Variants in SCYL2 observed in about 807,000 individuals in gnomAD.
SCYL2 encodes the protein SCY1-like protein 2.
Under a neutral mutation model 100.4 loss-of-function variants are expected in SCYL2, and 36 were observed. The observed-to-expected ratio is 0.36, with a 90% confidence interval of 0.27 to 0.47. The LOEUF is 0.47. Ranked by LOEUF, SCYL2 falls within the 20% of genes least tolerant of loss-of-function variation. SCYL2 has a pLI of 1.00. For missense variants in SCYL2, 902 were observed against 1,083.9 expected (o/e 0.83, Z 2.36); for synonymous variants, 330 against 359.2 (o/e 0.92, Z 0.92).
In SCYL2 at chr12:100,317,645, A is replaced by C. The variant is rs1471263009; in HGVS notation, c.1273-158A>C. 2.1e-6 allele frequency: 3 copies of C among 1,404,990 alleles called. No homozygotes were observed. The African/African-American group carries it at 4.4e-5, about 20-fold the overall frequency. 87.0% of individuals were successfully genotyped at this position (1,404,990 alleles called of 1,614,324 possible). A position where few individuals can be genotyped will look rare whatever the true frequency, so the allele number is the denominator to read the frequency against. ...TATTGTGCCTCCAGAAATGTAAGAG[A>C]CTTGATTTGTGTGTTTTTGTCTTCC... On this transcript the variant is annotated intron_variant, in intron 9 of 17. Transcript: ENST00000360820.
At chr12:100,323,496 A>T in intron 10 of SCYL2, 29 bp from the exon 11 acceptor site, 1 of 1,252,510 alleles carries the variant, frequency 8.0e-7, no homozygotes. Context: ...GTCTTTCCCT[A>T]ATATTGATTC....
intron 1 of SCYL2, among the ~76,000 whole-genome samples, chr12:100,271,013 G>C (rs1253902248): frequency 2.6e-5 from 4 of 151,960 alleles, no homozygotes; most frequent in Non-Finnish European, 4.4e-5. Flanking sequence ...AACTATGTCT[G>C]ATAATTAGAT....
intron 1 of SCYL2, among the ~76,000 whole-genome samples, chr12:100,279,330 G>A (rs1229038215): frequency 4.6e-5 from 7 of 152,218 alleles, no homozygotes; most frequent in Non-Finnish European, 7.3e-5. Context: ...GAGAGGAGGC[G>A]GAGCTTAGGC....
Position 100,318,907 on chromosome 12 carries a change from T to C in SCYL2, c.1395+982T>C, listed in dbSNP as rs144392290. Among the ~76,000 whole-genome samples, 91 of 152,334 alleles carry C rather than the reference T, an allele frequency of 6.0e-4. 1 individual carries two copies. In the East Asian group the frequency reaches 0.013, roughly 23 times the overall value. ...GTAGTCTTTGCGATTAAAATTTTGGTTCTATGAGTTCTTTGTCTGAAAGAA... is the reference window on the plus strand; with the variant it reads ...GTAGTCTTTGCGATTAAAATTTTGGCTCTATGAGTTCTTTGTCTGAAAGAA... On this transcript the variant is annotated intron_variant, in intron 10 of 17. Transcript: ENST00000360820.
rs139350851 is a variant in SCYL2, at chr12:100,292,753, G to A, written c.335+1093G>A. Among the ~76,000 whole-genome samples, 10 of 152,290 alleles carry A rather than the reference G, an allele frequency of 6.6e-5. No homozygotes were observed. The East Asian group carries it at 1.9e-3, about 29-fold the overall frequency. ...GAGCTAGGATTCATTTTGTCATTCT[G>A]ATTCCTGAGTCCCTGTTTTTATTTT... On this transcript the variant is annotated intron_variant, in intron 3 of 17. Transcript: ENST00000360820.
intron 1 of SCYL2, 26 bp from the exon 2 acceptor site, chr12:100,282,917 T>C: frequency 8.6e-7 from 1 of 1,159,604 alleles, no homozygotes; most frequent in Non-Finnish European, 1.2e-6. Flanking sequence ...AATGATCAGT[T>C]CTCCACTATC....
intron 9 of SCYL2, among the ~76,000 whole-genome samples, chr12:100,317,326 A>G (rs760654585): frequency 4.6e-5 from 7 of 152,084 alleles, no homozygotes; most frequent in Non-Finnish European, 8.8e-5. Context: ...GGCTCAAGCA[A>G]TTCCCCTGTT....
At chr12:100,289,601 GC>G (rs1161801022) in intron 2 of SCYL2, among the ~76,000 whole-genome samples, 1 of 152,074 alleles carries the variant, frequency 6.6e-6, no homozygotes, top group Non-Finnish European at 1.5e-5. Context: ...GTAGACTAAT[GC>G]CTGAAACTTT....
At chr12:100,317,247 T>G (rs544483865) in intron 9 of SCYL2, among the ~76,000 whole-genome samples, 46 of 152,302 alleles carry the variant, frequency 3.0e-4, no homozygotes, top group Admixed American at 1.2e-3. Context: ...AACATTTTTT[T>G]CTAAAATAAA....
intron 11 of SCYL2, among the ~76,000 whole-genome samples, chr12:100,325,418 TAA>T (rs2096360618): frequency 6.6e-6 from 1 of 152,222 alleles, no homozygotes; most frequent in Non-Finnish European, 1.5e-5. Context: ...TTTAGAACAG[TAA>T]CTAGGAATGG....
intron 6 of SCYL2, 58 bp downstream of exon 6, chr12:100,312,711 T>G: frequency 1.6e-6 from 2 of 1,290,034 alleles, no homozygotes; most frequent in Non-Finnish European, 2.2e-6. Flanking sequence ...TGTCTTTGAT[T>G]TTTTTCCAAA....
intron 11 of SCYL2, among the ~76,000 whole-genome samples, chr12:100,324,481 G>A (rs2096359606): frequency 6.6e-6 from 1 of 152,150 alleles, no homozygotes; most frequent in East Asian, 1.9e-4. Flanking sequence ...CTGGTGGAAT[G>A]TGAATTTAAA....
chr12:100,294,964 T>G (rs1334154806), intron 3 of SCYL2, among the ~76,000 whole-genome samples: 4 of 131,380 alleles, frequency 3.0e-5, no homozygotes, highest in East Asian at 2.4e-4. Flanking sequence ...AGGCAGAGGG[T>G]CTCCTCACTT....
chr12:100,328,707 G>A (rs1361770275), intron 12 of SCYL2, among the ~76,000 whole-genome samples: 1 of 152,208 alleles, frequency 6.6e-6, no homozygotes, highest in African/African-American at 2.4e-5. Context: ...AGACAATAGG[G>A]AAGGATTTTG....
chr12:100,318,279 A>T (rs11110338), intron 10 of SCYL2, among the ~76,000 whole-genome samples: 27,323 of 150,714 alleles, frequency 0.18, 2,692 homozygotes, highest in Non-Finnish European at 0.21. Context: ...TTCTAAACTG[A>T]TAATTATGAA....
chr12:100,291,526 T>TA lies in SCYL2; in HGVS notation c.207dup (p.Leu70ThrfsTer3). 1 of 1,570,306 alleles carries TA rather than the reference T, an allele frequency of 6.4e-7. No individual in the cohort carries two copies. The highest frequency in any genetic ancestry group is 8.6e-7 in the Non-Finnish European group (1 of 1,162,838). On this transcript the variant is annotated frameshift_variant, in exon 3 of 18. Transcript: ENST00000360820. LOFTEE classifies it high-confidence loss of function. The stretch of plus-strand genomic sequence containing the variant: ...AGGAAGTGGCAGTTTTTGTCTTTGA[T>TA]AAAAAACTGATTGACAAGTATCAAA...
Position 100,317,880 on chromosome 12 carries a change from A to C in SCYL2, c.1350A>C (p.Leu450=), listed in dbSNP as rs750103787. 1.9e-6 allele frequency: 3 copies of C among 1,606,048 alleles called. No individual in the cohort carries two copies. The highest frequency in any genetic ancestry group is 1.7e-4 in the Middle Eastern group (1 of 6,016). Residue 450 remains leucine (L), a synonymous_variant, in exon 10 of 18, where the codon CTA becomes CTC. Transcript: ENST00000360820. The stretch of plus-strand genomic sequence containing the variant: ...CTGATGAGATAAAGAACAGTGTTCT[A>C]CCCATGGTTTACAGAGCACTAGAAG... ...TPPDEIKNSV[L]PMVYRALEAP...
rs982423364 is a variant in SCYL2 at position 100,267,206 on chromosome 12, C to T, written c.-615C>T. The T allele has an allele frequency of 1.1e-5, 11 of 987,774 alleles. No individual in the cohort carries two copies. In the African/African-American group the frequency reaches 1.6e-4, roughly 15 times the overall value. The allele number at this position is 987,774 out of a possible 1,614,324, so 61.2% of individuals were successfully genotyped here. A position where few individuals can be genotyped will look rare whatever the true frequency, so the allele number is the denominator to read the frequency against. ...TTTTTCCCCCTCCCTTACTCTTCGT[C>T]CCCGGTCCCTCCCCTCCCCACCCCT... On this transcript the variant is annotated 5_prime_UTR_variant, in exon 1 of 18. Coordinates refer to ENST00000360820, the MANE Select transcript of SCYL2 (RefSeq NM_017988.6).
intron 4 of SCYL2, among the ~76,000 whole-genome samples, chr12:100,309,170 T>G (rs1357649934): frequency 6.6e-6 from 1 of 151,962 alleles, no homozygotes; most frequent in Non-Finnish European, 1.5e-5. Context: ...TAAAATTTGG[T>G]GTTCCTGCGC....
Sources: allele counts gnomAD v4.1 joint callset (sites outside exome capture counted in the v4.1 genomes callset), GRCh38; gene constraint gnomAD v4.1.1; transcripts MANE v1.5; gene names NCBI Gene and HGNC (gene_info 2026-07-23, HGNC 2026-07-21).